HHIP: variants seen among roughly 807,000 people sequenced by gnomAD.
HHIP encodes hedgehog interacting protein, also known as hedgehog-interacting protein.
HHIP carries 12 observed loss-of-function variants against 74.0 expected under a neutral mutation model. The ratio of observed to expected loss-of-function variants is 0.16; its 90% CI spans 0.10 to 0.26. HHIP has a LOEUF of 0.26. HHIP is among the 10% of genes least tolerant of loss of function. The pLI, the probability that HHIP is intolerant of heterozygous loss-of-function variation, is 1.00. For synonymous variants in HHIP, 309 were observed against 311.6 expected, an observed-to-expected ratio of 0.99 and a Z score of 0.09; for missense variants, 788 against 845.0, an observed-to-expected ratio of 0.93 and a Z score of 0.84.
intron 11 of HHIP, among the ~76,000 whole-genome samples, chr4:144,727,308 A>G (rs1323624009): frequency 1.3e-5 from 2 of 152,082 alleles, no homozygotes; most frequent in African/African-American, 4.8e-5. Context: ...TGGGGGCTCT[A>G]TCTTCATGAC....
At position 144,659,987 on chromosome 4, in the gene HHIP, C is replaced by G. The variant is rs779660035; in HGVS notation, c.831+149C>G. 28 of 616,638 alleles carry G rather than the reference C, an allele frequency of 4.5e-5. 1 individual carries two copies. Among genetic ancestry groups the G allele is most frequent in the Non-Finnish European group, 7.9e-5 (28 of 352,554 alleles). 38.2% of individuals were successfully genotyped at this position (616,638 alleles called of 1,614,324 possible). On this transcript the variant is annotated intron_variant, in intron 4 of 12. Transcript: ENST00000296575. Reference sequence around the variant, plus strand: ...GCAACATAAGAAACAATAATTATGGCACCTGAATTAGGACAGTGACATTAA... The same window carrying G: ...GCAACATAAGAAACAATAATTATGGGACCTGAATTAGGACAGTGACATTAA...
At chr4:144,666,248 CGTGTGTGT>C (rs5862718) in intron 4 of HHIP, among the ~76,000 whole-genome samples, 16,684 of 143,086 alleles carry the variant, frequency 0.12, 1,131 homozygotes, top group South Asian at 0.21. Context: ...ATACTACAGT[CGTGTGTGT>C]GTGTGTGTGT....
chr4:144,676,772 G>A (rs1307375960), intron 4 of HHIP, among the ~76,000 whole-genome samples: 1 of 152,154 alleles, frequency 6.6e-6, no homozygotes, highest in Non-Finnish European at 1.5e-5. Context: ...TTTCATGAGG[G>A]AGAGGAAATA....
intron 6 of HHIP, 157 bp from the exon 7 acceptor site, chr4:144,708,011 G>C: frequency 2.7e-6 from 2 of 730,486 alleles, no homozygotes; most frequent in South Asian, 1.9e-5. Context: ...CCAAAGTGCT[G>C]GGATTACAGA....
At chr4:144,688,392 C>CT (rs879313121) in intron 4 of HHIP, among the ~76,000 whole-genome samples, 27 of 146,278 alleles carry the variant, frequency 1.8e-4, no homozygotes, top group South Asian at 4.3e-4. Flanking sequence ...ATTGGAGAGT[C>CT]TTTTTTTTTT....
intron 4 of HHIP, among the ~76,000 whole-genome samples, chr4:144,672,242 G>A (rs766790517): frequency 1.3e-5 from 2 of 152,244 alleles, no homozygotes; most frequent in East Asian, 1.9e-4. Flanking sequence ...GTTTGGGTGG[G>A]TACCTTGCCT....
At chr4:144,665,628 G>C (rs1377069899) in intron 4 of HHIP, among the ~76,000 whole-genome samples, 1 of 152,166 alleles carries the variant, frequency 6.6e-6, no homozygotes, top group Non-Finnish European at 1.5e-5. Context: ...ATTTGGTTGA[G>C]TTAGTTTTTG....
intron 4 of HHIP, among the ~76,000 whole-genome samples, chr4:144,680,492 A>G (rs970629530): frequency 5.3e-5 from 8 of 152,186 alleles, no homozygotes; most frequent in Admixed American, 4.6e-4. Context: ...TGTTTGATCA[A>G]AAAACTGACA....
intron 4 of HHIP, among the ~76,000 whole-genome samples, chr4:144,680,576 C>T (rs1453595567): frequency 6.6e-6 from 1 of 152,028 alleles, no homozygotes; most frequent in Non-Finnish European, 1.5e-5. Flanking sequence ...AAATGTCTTC[C>T]CTGTACTTTG....
Position 144,659,609 on chromosome 4 carries a change from G to T in HHIP, c.630-28G>T, listed in dbSNP as rs373921022. ...CCTTATCTCCTTCATCTCAAGAAAA[G>T]CTTACCGGTTTTCTTTAATTTGTTT... is the stretch of plus-strand genomic sequence containing the variant. On this transcript the variant is annotated intron_variant, in intron 3 of 12. Transcript: ENST00000296575. 3 of 1,401,162 alleles carry T rather than the reference G, an allele frequency of 2.1e-6. No homozygotes were observed. The African/African-American group carries it at 4.4e-5, about 21-fold the overall frequency. The allele number at this position is 1,401,162 out of a possible 1,614,324, so 86.8% of individuals were successfully genotyped here.
intron 4 of HHIP, among the ~76,000 whole-genome samples, chr4:144,672,965 G>A (rs975163273): frequency 3.3e-5 from 5 of 152,224 alleles, no homozygotes; most frequent in Non-Finnish European, 7.3e-5. Flanking sequence ...CCAAAGTGCT[G>A]GGACTGCAGG....
At position 144,708,308 on chromosome 4, in the gene HHIP, G is replaced by C. The variant is rs751944147; in HGVS notation, c.1298G>C (p.Gly433Ala). The C allele has an allele frequency of 6.2e-7, 1 of 1,614,044 alleles. No individual in the cohort carries two copies. Among genetic ancestry groups the C allele is most frequent in the South Asian group, 1.1e-5 (1 of 91,082 alleles). ...TTTGCTCATGGGCTCCACGATCCAG[G>C]CAGGTGAGAACACAAGTCTGTCTTC... is the stretch of plus-strand genomic sequence containing the variant. ...EVFAHGLHDP[G>A]RCAVDRHPTD... The change falls in exon 7 of 13, where the codon GGC (glycine) becomes GCC (alanine). Residue 433 changes from glycine (G) to alanine (A), a missense_variant. Physicochemically the swap from Gly to Ala is moderately conservative, Grantham distance 60 (BLOSUM62 0). Around this residue, in one of 3 missense-constraint regions of HHIP, gnomAD observed 343 missense variants for 347.9 expected, o/e 0.99. Transcript: ENST00000296575.
intron 12 of HHIP, 97 bp from the exon 13 acceptor site, chr4:144,737,667 C>A: frequency 9.3e-7 from 1 of 1,080,264 alleles, no homozygotes; most frequent in Non-Finnish European, 1.3e-6. Flanking sequence ...TTTTCCCTCG[C>A]TTCCCTTATT....
chr4:144,709,662 A>G (rs1308788795), intron 7 of HHIP, among the ~76,000 whole-genome samples: 1 of 152,230 alleles, frequency 6.6e-6, no homozygotes, highest in African/African-American at 2.4e-5. Context: ...GGGAACTTTT[A>G]TTAAGCACTT....
chr4:144,672,238 G>A (rs980945577), intron 4 of HHIP, among the ~76,000 whole-genome samples: 2 of 152,150 alleles, frequency 1.3e-5, no homozygotes, highest in African/African-American at 4.8e-5. Flanking sequence ...CAGAGTTTGG[G>A]TGGGTACCTT....
chr4:144,734,875 A>T lies in HHIP; in HGVS notation c.1895A>T (p.Asp632Val), dbSNP rs768445113. ...TGCTGCAGTCCAGGCTGGGAGGGGG[A>T]CTTCTGCAGAACTGGTTAGTATTTC... ...KCCCSPGWEG[D>V]FCRTAKCEPA... The change falls in exon 12 of 13, where the codon GAC becomes GTC. Residue 632 changes from aspartate (D) to valine (V), a missense_variant. Coordinates refer to ENST00000296575, the MANE Select transcript of HHIP (RefSeq NM_022475.3). 4 of 1,610,048 alleles carry T rather than the reference A, an allele frequency of 2.5e-6. No individual in the cohort carries two copies. The African/African-American group carries it at 5.3e-5, about 22-fold the overall frequency.
rs1465906748 is a variant in HHIP, at chr4:144,743,671, G to T, written c.*5714G>T. 2 of 151,782 alleles carry T rather than the reference G, an allele frequency of 1.3e-5. No homozygotes were observed. Among genetic ancestry groups the T allele is most frequent in the African/African-American group, 4.8e-5 (2 of 41,362 alleles). 9.4% of individuals were successfully genotyped at this position (151,782 alleles called of 1,614,324 possible). A position where few individuals can be genotyped will look rare whatever the true frequency, so the allele number is the denominator to read the frequency against. ...ATGTAACTTAATATAAATGTTTGAT[G>T]AGTTATCTCAATTGACTATAATCTT... On this transcript the variant is annotated 3_prime_UTR_variant, in exon 13 of 13. Transcript: ENST00000296575.
At chr4:144,724,392 T>C (rs1730734301) in intron 11 of HHIP, among the ~76,000 whole-genome samples, 1 of 152,124 alleles carries the variant, frequency 6.6e-6, no homozygotes, top group African/African-American at 2.4e-5. Context: ...TTTGTATTTA[T>C]AAAATGCAAA....
chr4:144,742,970 TGTATATATATATA>T lies in HHIP; in HGVS notation c.*5014_*5026del, dbSNP rs1731298749. 3.0e-4 allele frequency: 1 copy of T among 3,292 alleles called. No homozygotes were observed. Among genetic ancestry groups the T allele is most frequent in the Non-Finnish European group, 9.2e-4 (1 of 1,092 alleles). The allele number at this position is 3,292 out of a possible 1,614,324, so 0.2% of individuals were successfully genotyped here. A position where few individuals can be genotyped will look rare whatever the true frequency, so the allele number is the denominator to read the frequency against. Reference sequence around the variant, plus strand: ...ATATATCTTATACATATAAGATATATGTATATATATATACATTATATATATATAATATATATAT... The same window carrying T: ...ATATATCTTATACATATAAGATATATCATTATATATATATAATATATATAT... On this transcript the variant is annotated 3_prime_UTR_variant, in exon 13 of 13. Transcript: ENST00000296575.
Sources: gnomAD v4.1 joint callset for allele counts (sites outside exome capture counted in the v4.1 genomes callset) on GRCh38, gnomAD v4.1.1 for gene constraint, gnomAD v4.1.1 regional missense constraint, MANE v1.5 for transcripts, NCBI Gene and HGNC (gene_info 2026-07-23, HGNC 2026-07-21) for gene names.